The following ERCC6 variants were observed in gnomAD, a reference collection of about 807,000 sequenced individuals.
ERCC6 encodes DNA excision repair protein ERCC-6.
Under a neutral mutation model 158.7 loss-of-function variants are expected in ERCC6, and 116 were observed. The observed-to-expected ratio is 0.73, with a 90% CI of 0.63 to 0.85. ERCC6 has a LOEUF of 0.85. Among genes scored for constraint, ERCC6 ranks in the 40% least tolerant of loss-of-function variants. ERCC6 has a pLI of 0.00. For synonymous variants in ERCC6, 678 were observed against 659.3 expected (o/e 1.03, Z -0.43); for missense variants, 1,698 against 1,799.4 (o/e 0.94, Z 1.02).
At chr10:49,468,175 A>G (rs1354927751) in intron 18 of ERCC6, among the ~76,000 whole-genome samples, 1 of 152,194 alleles carries the variant, frequency 6.6e-6, no homozygotes, top group African/African-American at 2.4e-5. Flanking sequence ...TTCTTGCACA[A>G]TGTGCTGGTC....
chr10:49,490,394 G>A (rs1165925737), intron 8 of ERCC6, among the ~76,000 whole-genome samples: 7 of 140,420 alleles, frequency 5.0e-5, no homozygotes, highest in Admixed American at 1.5e-4. Context: ...TCGCTCTGTC[G>A]CCCAGGCTAG....
chr10:49,504,216 T>C (rs1851405507), intron 6 of ERCC6: 1 of 152,084 alleles, frequency 6.6e-6, no homozygotes, highest in Admixed American at 6.6e-5. Flanking sequence ...ACTCTATCAA[T>C]CCTATTAATT....
intron 5 of ERCC6, among the ~76,000 whole-genome samples, chr10:49,521,370 G>A (rs1334974892): frequency 6.6e-6 from 1 of 152,164 alleles, no homozygotes; most frequent in Admixed American, 6.5e-5. Context: ...GTGCTCACCG[G>A]GAACCCACAT....
chr10:49,476,312 T>C lies in ERCC6; in HGVS notation c.2287-2A>G, dbSNP rs754978734. The C allele has an allele frequency of 6.2e-6, 10 of 1,606,716 alleles. No individual in the cohort carries two copies. Among genetic ancestry groups the C allele is most frequent in the Non-Finnish European group, 8.5e-6 (10 of 1,174,438 alleles). ...ATCTGTAAGACGGCAAAATAAGACC[T>C]ACGGACGGGAAAAACAAGGAAACTA... On this transcript the variant is annotated splice_acceptor_variant, in intron 11 of 20. Transcript: ENST00000355832. LOFTEE classifies it high-confidence loss of function.
chr10:49,443,233 TTAAG>T, the ERCC6 span, among the ~76,000 whole-genome samples: 14 of 152,330 alleles, frequency 9.2e-5, no homozygotes, highest in Middle Eastern at 3.4e-3. Context: ...CTTTCATAAA[TTAAG>T]TGTTTATAAA....
chr10:49,524,399 C>T lies in ERCC6; in HGVS notation c.1031G>A (p.Gly344Glu). 1 of 1,614,204 alleles carries T rather than the reference C, an allele frequency of 6.2e-7. No individual in the cohort carries two copies. The highest frequency in any genetic ancestry group is 8.5e-7 in the Non-Finnish European group (1 of 1,180,044). The change falls in exon 5 of 21, where the codon GGG becomes GAG. Residue 344 changes from glycine (G) to glutamate (E), a missense_variant. Transcript: ENST00000355832. ...CCTTGCCTTTGGCAATCCCACTTTC[C>T]CCTGGAACTGCAAAGCCCTCTTCTG... The part of the protein sequence containing the change: ...KLQKRALQFQ[G>E]KVGLPKARRP...
chr10:49,479,628 A>T (rs1850941171), intron 10 of ERCC6, among the ~76,000 whole-genome samples: 5 of 152,230 alleles, frequency 3.3e-5, no homozygotes, highest in Admixed American at 3.3e-4. Flanking sequence ...TTAAAAACAT[A>T]GTCCCACTGA....
chr10:49,446,653 C>T, the ERCC6 span, among the ~76,000 whole-genome samples: 1 of 152,044 alleles, frequency 6.6e-6, no homozygotes, highest in African/African-American at 2.4e-5. Flanking sequence ...TGGCATCTGC[C>T]TGTAGCCCCA....
At position 49,461,382 on chromosome 10, in the gene ERCC6, C is replaced by A; in HGVS notation, c.3953G>T (p.Arg1318Met). Reference protein sequence around the residue: ...VSGVPTWTGHRGISGAPAGKK... With the variant: ...VSGVPTWTGHMGISGAPAGKK... Reference sequence around the variant, plus strand: ...TCCTGCTGGTGCACCAGAAATCCCCCTGTGGCCAGTCCAGGTGGGAACACC... The same window carrying A: ...TCCTGCTGGTGCACCAGAAATCCCCATGTGGCCAGTCCAGGTGGGAACACC... The change falls in exon 19 of 21, where the codon AGG becomes ATG. Residue 1318 changes from arginine to methionine, a missense_variant. Transcript: ENST00000355832. 6.2e-7 allele frequency: 1 copy of A among 1,613,722 alleles called. No individual in the cohort carries two copies. The highest frequency in any genetic ancestry group is 1.7e-4 in the Middle Eastern group (1 of 5,748).
chr10:49,533,114 A>T, intron 1 of ERCC6, 136 bp from the exon 2 acceptor site: 1 of 1,114,472 alleles, frequency 9.0e-7, no homozygotes, highest in Non-Finnish European at 1.2e-6. Context: ...CAAGTTTCCA[A>T]GTATTAATTT....
Position 49,523,964 on chromosome 10 carries a change from C to A in ERCC6, c.1397+69G>T, listed in dbSNP as rs1837241424. The A allele has an allele frequency of 1.9e-6, 3 of 1,592,954 alleles. No individual in the cohort carries two copies. In the East Asian group the frequency reaches 6.7e-5, roughly 36 times the overall value. ...TATTAAGCTGGATCTAGAATGCTTA[C>A]ATATTAATAAACCTGTCACCTAAGA... On this transcript the variant is annotated intron_variant, in intron 5 of 20. Coordinates refer to ENST00000355832, the MANE Select transcript of ERCC6 (RefSeq NM_000124.4).
chr10:49,448,846 G>T, the ERCC6 span, among the ~76,000 whole-genome samples: 1 of 152,140 alleles, frequency 6.6e-6, no homozygotes, highest in Admixed American at 6.5e-5. Flanking sequence ...ATATTCCATT[G>T]TATAGATATA....
Position 49,478,487 on chromosome 10 carries a change from G to T in ERCC6, c.2170-17C>A, listed in dbSNP as rs767306391. 5.6e-6 allele frequency: 8 copies of T among 1,435,404 alleles called. No homozygotes were observed. In the African/African-American group the frequency reaches 9.8e-5, roughly 18 times the overall value. The allele number at this position is 1,435,404 out of a possible 1,614,324, so 88.9% of individuals were successfully genotyped here. A position where few individuals can be genotyped will look rare whatever the true frequency, so the allele number is the denominator to read the frequency against. ...AGTTTTGACCTTTAATAAGAGCAGA[G>T]AAGGGAACATTACTATATATGTTTA... On this transcript the variant is annotated splice_polypyrimidine_tract_variant and intron_variant, in intron 10 of 20. Coordinates refer to ENST00000355832, the MANE Select transcript of ERCC6 (RefSeq NM_000124.4).
chr10:49,465,162 C>T (rs993312890), intron 18 of ERCC6, among the ~76,000 whole-genome samples: 2 of 152,220 alleles, frequency 1.3e-5, no homozygotes, highest in African/African-American at 4.8e-5. Flanking sequence ...AGGAACCCAC[C>T]TCTTGCATCA....
chr10:49,482,572 T>A (rs1347499190), intron 10 of ERCC6, 115 bp downstream of exon 10: 1 of 803,462 alleles, frequency 1.2e-6, no homozygotes, highest in African/African-American at 1.8e-5. Flanking sequence ...AGATACCAAT[T>A]TATGAGCCTG....
chr10:49,451,264 A>T (rs1850417610), downstream of ERCC6, among the ~76,000 whole-genome samples: 1 of 144,748 alleles, frequency 6.9e-6, no homozygotes, highest in Non-Finnish European at 1.5e-5. Flanking sequence ...CTTCCTTTCC[A>T]ACCTTTATTT....
At chr10:49,446,259 C>A in the ERCC6 span, among the ~76,000 whole-genome samples, 53,680 of 114,020 alleles carry the variant, frequency 0.47, 10,904 homozygotes, top group Non-Finnish European at 0.57. Context: ...ACACACACAC[C>A]CCCCAATTTA....
chr10:49,498,331 T>C (rs996689636), intron 7 of ERCC6, among the ~76,000 whole-genome samples: 1 of 152,180 alleles, frequency 6.6e-6, no homozygotes, highest in Non-Finnish European at 1.5e-5. Context: ...GAAATATACA[T>C]AGCCAATGAG....
chr10:49,449,923 A>G (rs531807742), downstream of ERCC6, among the ~76,000 whole-genome samples: 9 of 151,778 alleles, frequency 5.9e-5, no homozygotes, highest in African/African-American at 2.2e-4. Flanking sequence ...CCCAGGCTGG[A>G]GTACAGTGGC....
Sources: allele counts gnomAD v4.1 joint callset (sites outside exome capture counted in the v4.1 genomes callset), GRCh38; gene constraint gnomAD v4.1.1; transcripts MANE v1.5; gene names NCBI Gene and HGNC (gene_info 2026-07-23, HGNC 2026-07-21).